The following ITGB7 variants were observed in gnomAD, a reference collection of about 807,000 sequenced individuals.
The protein encoded by ITGB7 is integrin subunit beta 7.
ITGB7 carries 55 observed loss-of-function variants against 83.4 expected under a neutral mutation model. The ratio of observed to expected loss-of-function variants is 0.66; its 90% confidence interval spans 0.53 to 0.83. ITGB7 has a LOEUF of 0.83. Ranked by LOEUF, ITGB7 falls within the 40% of genes least tolerant of loss-of-function variation. ITGB7 has a pLI of 0.00. For missense variants in ITGB7, 921 were observed against 1,046.7 expected, an observed-to-expected ratio of 0.88 and a Z score of 1.66; for synonymous variants, 454 against 423.6, an observed-to-expected ratio of 1.07 and a Z score of -0.88.
intron 6 of ITGB7, 180 bp from the exon 7 acceptor site, chr12:53,196,379 G>A: frequency 2.0e-6 from 2 of 993,382 alleles, no homozygotes; most frequent in South Asian, 1.7e-5. Context: ...TGCTGCTAGT[G>A]GAGGCTTACT....
chr12:53,201,506 G>A (rs1273504293), intron 1 of ITGB7, among the ~76,000 whole-genome samples: 1 of 152,148 alleles, frequency 6.6e-6, no homozygotes, highest in South Asian at 2.1e-4. Flanking sequence ...AGAGCCTGGA[G>A]ACAGGGTAAT....
chr12:53,205,626 A>AAT (rs59015478), intron 1 of ITGB7, among the ~76,000 whole-genome samples: 1,729 of 151,542 alleles, frequency 0.011, 27 homozygotes, highest in African/African-American at 0.04. Flanking sequence ...CATGCTAAGA[A>AAT]ATATATATAT....
chr12:53,195,573 A>C, intron 8 of ITGB7, 53 bp downstream of exon 8: 1 of 1,544,312 alleles, frequency 6.5e-7, no homozygotes, highest in Non-Finnish European at 9.0e-7. Context: ...CTTTGGGGGA[A>C]TTGAGAAAGG....
intron 3 of ITGB7, among the ~76,000 whole-genome samples, chr12:53,199,844 C>A (rs944414782): frequency 3.9e-5 from 6 of 152,188 alleles, no homozygotes; most frequent in Non-Finnish European, 7.3e-5. Context: ...TTAAACCACC[C>A]AGCTTATGGT....
At chr12:53,193,036 C>G in intron 12 of ITGB7, 104 bp downstream of exon 12, 2 of 1,375,172 alleles carry the variant, frequency 1.5e-6, no homozygotes, top group South Asian at 1.3e-5. Flanking sequence ...AACCCATACA[C>G]CGGAATCTTT....
intron 1 of ITGB7, chr12:53,206,654 T>C (rs1467773672): frequency 6.6e-6 from 1 of 152,324 alleles, no homozygotes; most frequent in East Asian, 1.9e-4. Context: ...AAACAGAGCC[T>C]CTTCCAAACC....
chr12:53,205,767 TC>T (rs1942428994), intron 1 of ITGB7, among the ~76,000 whole-genome samples: 1 of 152,032 alleles, frequency 6.6e-6, no homozygotes, highest in Non-Finnish European at 1.5e-5. Context: ...GGGCCCAGAG[TC>T]AGGTCCAGAT....
Position 53,192,897 on chromosome 12 carries a change from G to A in ITGB7, c.1740C>T (p.Cys580=). 2 of 1,614,030 alleles carry A rather than the reference G, an allele frequency of 1.2e-6. No homozygotes were observed. The highest frequency in any genetic ancestry group is 2.2e-5 in the South Asian group (2 of 91,066). The change falls in exon 13 of 16, where the codon TGC becomes TGT. Residue 580 remains cysteine, a synonymous_variant. Transcript: ENST00000267082. ...EGILCGGFGR[C]QCGVCHCHAN... Reference sequence around the variant, plus strand: ...CATGACAGTGACATACTCCACATTGGCAGCGACCAAAGCCTGGGGTAGAGC... The same window carrying A: ...CATGACAGTGACATACTCCACATTGACAGCGACCAAAGCCTGGGGTAGAGC...
intron 1 of ITGB7, among the ~76,000 whole-genome samples, chr12:53,201,511 G>A (rs761784373): frequency 6.6e-6 from 1 of 152,056 alleles, no homozygotes; most frequent in Non-Finnish European, 1.5e-5. Flanking sequence ...CTGGAGACAG[G>A]GTAATACCTT....
In ITGB7 at chr12:53,192,323, CACTTA is replaced by C; in HGVS notation, c.2155+2_2155+6del. The C allele has an allele frequency of 1.2e-6, 2 of 1,613,838 alleles. No individual in the cohort carries two copies. The highest frequency in any genetic ancestry group is 1.7e-6 in the Non-Finnish European group (2 of 1,179,906). Reference sequence around the variant, plus strand: ...TTCCAGGGTTTGTGGCATCCCTGCCCACTTACTTTCTTGGGGTCTCACTCTGAGCA... The same window carrying C: ...TTCCAGGGTTTGTGGCATCCCTGCCCCTTTCTTGGGGTCTCACTCTGAGCA... On this transcript the variant is annotated splice_donor_variant and splice_donor_5th_base_variant and intron_variant, in intron 14 of 15. Transcript: ENST00000267082. LOFTEE classifies it high-confidence loss of function.
Position 53,192,538 on chromosome 12 carries a change from C to G in ITGB7, c.1947G>C (p.Arg649=). ...PGCKTPCERH[R]DCAECGAFRT... ...TGAAGGCCCCACACTCTGCACAGTCCCTGTGTAGTAGATGCCAATAGGTTA... is the reference window on the plus strand; with the variant it reads ...TGAAGGCCCCACACTCTGCACAGTCGCTGTGTAGTAGATGCCAATAGGTTA... The change falls in exon 14 of 16, where the codon CGG becomes CGC. Residue 649 remains arginine (R), a splice_region_variant and synonymous_variant. Coordinates refer to ENST00000267082, the MANE Select transcript of ITGB7 (RefSeq NM_000889.3). The G allele has an allele frequency of 6.2e-7, 1 of 1,613,722 alleles. No homozygotes were observed.
intron 12 of ITGB7, 57 bp from the exon 13 acceptor site, chr12:53,192,967 C>G (rs1565699038): frequency 1.5e-5 from 23 of 1,550,298 alleles, no homozygotes; most frequent in East Asian, 2.3e-5. Flanking sequence ...AGTTGGCCAT[C>G]ATGTGGCACG....
At chr12:53,203,885 A>G (rs1306591456) in intron 1 of ITGB7, among the ~76,000 whole-genome samples, 2 of 152,170 alleles carry the variant, frequency 1.3e-5, no homozygotes, top group Non-Finnish European at 2.9e-5. Flanking sequence ...GGATTATCCT[A>G]TAACCTGGCA....
rs774631943 is a variant in ITGB7 at position 53,195,702 on chromosome 12, T to C, written c.995A>G (p.Gln332Arg). The stretch of plus-strand genomic sequence containing the variant: ...TGCTGCAGAGAGGGCCTGGGCTACC[T>C]GACCCACAGAAGGGTAGTCCTGGGA... ...STEFDYPSVG[Q>R]VAQALSAANI... Residue 332 changes from glutamine to arginine, a missense_variant, in exon 8 of 16, where the codon CAG becomes CGG. Transcript: ENST00000267082. 1 of 1,613,796 alleles carries C rather than the reference T, an allele frequency of 6.2e-7. No individual in the cohort carries two copies. Among genetic ancestry groups the C allele is most frequent in the South Asian group, 1.1e-5 (1 of 91,080 alleles).
In ITGB7 at chr12:53,192,463, A is replaced by T. The variant is rs199702415; in HGVS notation, c.2022T>A (p.Asn674Lys). 2 of 1,614,022 alleles carry T rather than the reference A, an allele frequency of 1.2e-6. No homozygotes were observed. The highest frequency in any genetic ancestry group is 4.5e-5 in the East Asian group (2 of 44,886). ...TNCSTACAHT[N>K]VTLALAPILD... The stretch of plus-strand genomic sequence containing the variant: ...AGATAGGGGCCAAGGCCAGGGTCAC[A>T]TTGGTATGGGCACAAGCTGTACTGC... The change falls in exon 14 of 16, where the codon AAT becomes AAA. Residue 674 changes from asparagine to lysine, a missense_variant. By Grantham distance (94) the Asn-to-Lys change is moderately conservative (BLOSUM62 0). Coordinates refer to ENST00000267082, the MANE Select transcript of ITGB7 (RefSeq NM_000889.3).
intron 3 of ITGB7, among the ~76,000 whole-genome samples, chr12:53,198,370 C>T (rs1942238846): frequency 6.6e-6 from 1 of 151,850 alleles, no homozygotes; most frequent in African/African-American, 2.4e-5. Flanking sequence ...CAAGTGCGCC[C>T]ACCTCAGCCT....
rs771753910 is a variant in ITGB7 at position 53,191,928 on chromosome 12, C to A, written c.2247G>T (p.Ser749=). 2 of 1,611,134 alleles carry A rather than the reference C, an allele frequency of 1.2e-6. No homozygotes were observed. Among genetic ancestry groups the A allele is most frequent in the Admixed American group, 1.7e-5 (1 of 60,014 alleles). Reference sequence around the variant, plus strand: ...ATTCCCGGCGGTCATAGATTTCCACCGAGAGCCGGTAAGCCAGGACCAGCC... The same window carrying A: ...ATTCCCGGCGGTCATAGATTTCCACAGAGAGCCGGTAAGCCAGGACCAGCC... The part of the protein sequence containing the change: ...GLGLVLAYRL[S]VEIYDRREYS... The change falls in exon 15 of 16, where the codon TCG becomes TCT. Residue 749 remains serine, a synonymous_variant. Transcript: ENST00000267082.
rs767363358 is a variant in ITGB7 at position 53,200,227 on chromosome 12, A to G, written c.201+16T>C. 4 of 1,609,548 alleles carry G rather than the reference A, an allele frequency of 2.5e-6. No individual in the cohort carries two copies. Among genetic ancestry groups the G allele is most frequent in the Admixed American group, 1.7e-5 (1 of 60,018 alleles). ...TACACATACACATGGTTCAAAGACC[A>G]TAGGCCCATCTTTACCAGTTGCTTG... On this transcript the variant is annotated intron_variant, in intron 3 of 15. Coordinates refer to ENST00000267082, the MANE Select transcript of ITGB7 (RefSeq NM_000889.3).
intron 8 of ITGB7, 74 bp downstream of exon 8, chr12:53,195,552 G>A (rs972054797): frequency 1.4e-5 from 21 of 1,521,444 alleles, no homozygotes; most frequent in South Asian, 7.8e-5. Flanking sequence ...TATGGGGGAC[G>A]GAGAATGTAT....
Sources: allele counts gnomAD v4.1 joint callset (sites outside exome capture counted in the v4.1 genomes callset), GRCh38; gene constraint gnomAD v4.1.1; transcripts MANE v1.5; gene names NCBI Gene and HGNC (gene_info 2026-07-23, HGNC 2026-07-21).